SORCS3: variants seen among roughly 807,000 people sequenced by gnomAD.
The protein encoded by SORCS3 is VPS10 domain-containing receptor SorCS3.
Under a neutral mutation model 146.3 loss-of-function variants are expected in SORCS3, and 57 were observed. That is an observed-to-expected ratio of 0.39 (90% CI 0.31 to 0.49). SORCS3 has a LOEUF of 0.49. SORCS3 is among the 20% of genes least tolerant of loss of function. The pLI is 0.92. For missense variants in SORCS3, 1,341 were observed against 1,575.5 expected (o/e 0.85, Z 2.52); for synonymous variants, 653 against 618.5 (o/e 1.06, Z -0.83).
At chr10:105,133,964 G>T (rs1349622) in intron 7 of SORCS3, among the ~76,000 whole-genome samples, 73,613 of 151,984 alleles carry the variant, frequency 0.48, 18,366 homozygotes, top group Non-Finnish European at 0.54. Context: ...TCTCACAAAA[G>T]AAAATTTAAA....
At chr10:104,741,073 C>T (rs1470413763) in intron 1 of SORCS3, among the ~76,000 whole-genome samples, 1 of 151,786 alleles carries the variant, frequency 6.6e-6, no homozygotes, top group Non-Finnish European at 1.5e-5. Context: ...GGGATTCTCC[C>T]ACATCAGCCT....
At chr10:105,023,083 C>T (rs1195999147) in intron 4 of SORCS3, among the ~76,000 whole-genome samples, 1 of 152,190 alleles carries the variant, frequency 6.6e-6, no homozygotes, top group Non-Finnish European at 1.5e-5. Flanking sequence ...GGCTCACCTT[C>T]TGATAGGAGA....
intron 1 of SORCS3, among the ~76,000 whole-genome samples, chr10:104,756,541 A>G (rs938638044): frequency 1.3e-5 from 2 of 152,178 alleles, no homozygotes; most frequent in African/African-American, 4.8e-5. Context: ...CTTCATAAAC[A>G]GAGTTTGTAG....
intron 9 of SORCS3, among the ~76,000 whole-genome samples, chr10:105,151,034 G>A (rs2056164460): frequency 6.6e-6 from 1 of 152,236 alleles, no homozygotes; most frequent in South Asian, 2.1e-4. Flanking sequence ...GATGATGTTA[G>A]GACTGGTGCA....
chr10:104,804,171 A>G (rs2017656455), intron 1 of SORCS3, among the ~76,000 whole-genome samples: 1 of 152,170 alleles, frequency 6.6e-6, no homozygotes, highest in African/African-American at 2.4e-5. Flanking sequence ...TGATTCTGAC[A>G]AGTGTCCAGA....
chr10:105,160,703 T>C (rs2056254824), intron 11 of SORCS3, among the ~76,000 whole-genome samples: 2 of 152,220 alleles, frequency 1.3e-5, no homozygotes, highest in Admixed American at 6.5e-5. Flanking sequence ...GTGTTACTTA[T>C]CATCATTAAT....
At chr10:105,040,218 G>T (rs976464347) in intron 4 of SORCS3, among the ~76,000 whole-genome samples, 2 of 152,018 alleles carry the variant, frequency 1.3e-5, no homozygotes, top group Non-Finnish European at 2.9e-5. Flanking sequence ...GGGATGGTCT[G>T]GTCCTTAAAA....
chr10:104,812,381 G>T (rs970293067), intron 1 of SORCS3, among the ~76,000 whole-genome samples: 1 of 152,142 alleles, frequency 6.6e-6, no homozygotes, highest in Non-Finnish European at 1.5e-5. Flanking sequence ...TTTCCTTTAT[G>T]AATCCTGTCA....
chr10:104,769,540 T>C (rs2017222873), intron 1 of SORCS3, among the ~76,000 whole-genome samples: 1 of 152,144 alleles, frequency 6.6e-6, no homozygotes. Context: ...AGATTCAGCA[T>C]CTGATGGAAG....
At chr10:104,856,721 CTCTA>C (rs995309870) in intron 2 of SORCS3, among the ~76,000 whole-genome samples, 1 of 144,982 alleles carries the variant, frequency 6.9e-6, no homozygotes, top group African/African-American at 2.5e-5. Context: ...TTTCCTTTAT[CTCTA>C]TCTCTCTCTA....
At chr10:105,210,207 T>C (rs983468488) in intron 16 of SORCS3, among the ~76,000 whole-genome samples, 3 of 152,160 alleles carry the variant, frequency 2.0e-5, no homozygotes, top group Admixed American at 2.0e-4. Context: ...AAAGGAGTTG[T>C]GGGTTCTGAG....
chr10:105,176,963 ATG>A (rs148904846), intron 13 of SORCS3, among the ~76,000 whole-genome samples: 9 of 149,018 alleles, frequency 6.0e-5, no homozygotes, highest in Admixed American at 1.3e-4. Context: ...ATTAGGATTT[ATG>A]TGTGTGTGTG....
At chr10:104,814,222 G>C (rs2017771651) in intron 1 of SORCS3, among the ~76,000 whole-genome samples, 1 of 152,024 alleles carries the variant, frequency 6.6e-6, no homozygotes, top group South Asian at 2.1e-4. Flanking sequence ...CCTGCCTTCT[G>C]TTTCCTCTCT....
intron 13 of SORCS3, among the ~76,000 whole-genome samples, chr10:105,171,613 A>G (rs1057512429): frequency 2.0e-5 from 3 of 152,232 alleles, no homozygotes. Context: ...TCCAAACAAT[A>G]CATGTCTCTG....
chr10:104,662,381 G>A (rs560555177), intron 1 of SORCS3, among the ~76,000 whole-genome samples: 12 of 152,272 alleles, frequency 7.9e-5, no homozygotes, highest in African/African-American at 2.2e-4. Flanking sequence ...ATGGTGACTC[G>A]ATGAAGTTTC....
intron 21 of SORCS3, among the ~76,000 whole-genome samples, chr10:105,246,274 C>T (rs758731142): frequency 6.6e-6 from 1 of 152,192 alleles, no homozygotes; most frequent in Non-Finnish European, 1.5e-5. Context: ...CACAACCTCT[C>T]CCAGGTCCCT....
At chr10:105,014,108 T>TAC (rs199520073) in intron 4 of SORCS3, among the ~76,000 whole-genome samples, 7,430 of 145,166 alleles carry the variant, frequency 0.051, 222 homozygotes, top group East Asian at 0.15. Flanking sequence ...CATATATATA[T>TAC]ACACATATAT....
chr10:105,177,709 T>C (rs1228144096), intron 13 of SORCS3, among the ~76,000 whole-genome samples: 1 of 152,074 alleles, frequency 6.6e-6, no homozygotes, highest in Non-Finnish European at 1.5e-5. Context: ...CTTACTCAGT[T>C]TGTGTCAGAA....
At chr10:104,940,858 G>T (rs745391521) in intron 3 of SORCS3, among the ~76,000 whole-genome samples, 20 of 152,072 alleles carry the variant, frequency 1.3e-4, no homozygotes, top group Non-Finnish European at 2.4e-4. Flanking sequence ...AGCTACCAAT[G>T]ACTTTCTTCA....
Sources: gnomAD v4.1 joint callset for allele counts (sites outside exome capture counted in the v4.1 genomes callset) on GRCh38, gnomAD v4.1.1 for gene constraint, MANE v1.5 for transcripts, NCBI Gene and HGNC (gene_info 2026-07-23, HGNC 2026-07-21) for gene names.